Variants in PPARGC1B observed in about 807,000 individuals in gnomAD.
The protein encoded by PPARGC1B is PPARG coactivator 1 beta.
PPARGC1B carries 34 observed loss-of-function variants against 101.6 expected under a neutral mutation model. That is an observed-to-expected ratio of 0.33 (90% confidence interval 0.25 to 0.45). The LOEUF (loss-of-function observed/expected upper bound fraction) is 0.45. Ranked by LOEUF, PPARGC1B falls within the 20% of genes least tolerant of loss-of-function variation. PPARGC1B has a pLI of 1.00. For missense variants in PPARGC1B, 1,234 were observed against 1,317.6 expected, an observed-to-expected ratio of 0.94 and a Z score of 0.98; for synonymous variants, 548 against 539.3, an observed-to-expected ratio of 1.02 and a Z score of -0.22.
intron 1 of PPARGC1B, among the ~76,000 whole-genome samples, chr5:149,741,762 G>A (rs1466547947): frequency 2.0e-5 from 3 of 151,928 alleles, no homozygotes; most frequent in African/African-American, 7.3e-5. Context: ...CGAGTAGCTG[G>A]GATTACAGGC....
chr5:149,840,056 G>A lies in PPARGC1B; in HGVS notation c.2634G>A (p.Gly878=). The A allele has an allele frequency of 6.2e-7, 1 of 1,614,142 alleles. No individual in the cohort carries two copies. The highest frequency in any genetic ancestry group is 2.2e-5 in the East Asian group (1 of 44,878). The part of the protein sequence containing the change: ...TRRNFRCESR[G]PCSDRTPSIR... Reference sequence around the variant, plus strand: ...TCACTGACAGATGTGAGAGCAGAGGGCCGTGTTCAGACAGAACGCCAAGCA... The same window carrying A: ...TCACTGACAGATGTGAGAGCAGAGGACCGTGTTCAGACAGAACGCCAAGCA... Residue 878 remains glycine (G), a synonymous_variant, in exon 9 of 12, where the codon GGG becomes GGA. Coordinates refer to ENST00000309241, the MANE Select transcript of PPARGC1B (RefSeq NM_133263.4).
intron 1 of PPARGC1B, among the ~76,000 whole-genome samples, chr5:149,793,337 A>G (rs1413648063): frequency 6.6e-6 from 1 of 152,122 alleles, no homozygotes; most frequent in Non-Finnish European, 1.5e-5. Context: ...AGGTGATTCT[A>G]TCATCAAGTC....
intron 1 of PPARGC1B, among the ~76,000 whole-genome samples, chr5:149,819,635 T>C (rs1383686855): frequency 1.3e-5 from 2 of 152,234 alleles, no homozygotes; most frequent in Non-Finnish European, 2.9e-5. Context: ...CCCAAGTTAC[T>C]GAGATTACAG....
rs1037400056 is a variant in PPARGC1B, at chr5:149,833,393, A to G, written c.1320A>G (p.Glu440=). Residue 440 remains glutamate (E), a synonymous_variant, in exon 5 of 12, where the codon GAA becomes GAG. Coordinates refer to ENST00000309241, the MANE Select transcript of PPARGC1B (RefSeq NM_133263.4). The surrounding 1 kb of genome is among the most constrained non-coding windows in gnomAD (Gnocchi z 4.1). ...EEEDEEEEEE[E]EEEEKEEEEE... ...AAGACGAGGAAGAAGAGGAGGAGGAAGAGGAAGAAGAAAAAGAGGAGGAGG... is the reference window on the plus strand; with the variant it reads ...AAGACGAGGAAGAAGAGGAGGAGGAGGAGGAAGAAGAAAAAGAGGAGGAGG... 1 of 1,610,958 alleles carries G rather than the reference A, an allele frequency of 6.2e-7. No homozygotes were observed. Among genetic ancestry groups the G allele is most frequent in the Non-Finnish European group, 8.5e-7 (1 of 1,178,594 alleles).
rs1054325957 is a variant in PPARGC1B at position 149,791,266 on chromosome 5, T to G, written c.79-29167T>G. ...GAGATCCCACTACTACATTCCAGCCTGGGTGACAGAGAGAGACTCCATCTC... is the reference window on the plus strand; with the variant it reads ...GAGATCCCACTACTACATTCCAGCCGGGGTGACAGAGAGAGACTCCATCTC... On this transcript the variant is annotated intron_variant, in intron 1 of 11. Transcript: ENST00000309241. 3.4e-5 allele frequency among the ~76,000 whole-genome samples: 5 copies of G among 148,812 alleles called. No individual in the cohort carries two copies. The East Asian group carries it at 5.9e-4, about 18-fold the overall frequency.
At chr5:149,815,929 T>C (rs1758036109) in intron 1 of PPARGC1B, among the ~76,000 whole-genome samples, 1 of 152,108 alleles carries the variant, frequency 6.6e-6, no homozygotes, top group Non-Finnish European at 1.5e-5. Context: ...GATGAGAGCA[T>C]GTATAGAAGG....
Position 149,811,062 on chromosome 5 carries a change from C to T in PPARGC1B, c.79-9371C>T, listed in dbSNP as rs1186028244. 4.6e-5 allele frequency among the ~76,000 whole-genome samples: 7 copies of T among 152,260 alleles called. No homozygotes were observed. The South Asian group carries it at 1.2e-3, about 27-fold the overall frequency. ...TCCTAGGAAAAAGTCAGATAAAGCG[C>T]AAAATTGTGAAACACATGCCTACGT... On this transcript the variant is annotated intron_variant, in intron 1 of 11. Transcript: ENST00000309241.
At chr5:149,791,415 C>T (rs1391374511) in intron 1 of PPARGC1B, among the ~76,000 whole-genome samples, 1 of 151,990 alleles carries the variant, frequency 6.6e-6, no homozygotes, top group African/African-American at 2.4e-5. Context: ...ACTGAGTGCT[C>T]ATTGGATGAA....
chr5:149,834,629 T>G (rs41287084), intron 5 of PPARGC1B, 45 bp from the exon 6 acceptor site: 4 of 1,585,066 alleles, frequency 2.5e-6, no homozygotes, highest in Non-Finnish European at 3.5e-6. Flanking sequence ...CATCTGCTAG[T>G]GATACCATAT....
intron 1 of PPARGC1B, among the ~76,000 whole-genome samples, chr5:149,802,042 G>A (rs1757446303): frequency 6.6e-6 from 1 of 152,154 alleles, no homozygotes; most frequent in African/African-American, 2.4e-5. Context: ...ACACAGCTCA[G>A]CACCGCCCCG....
At position 149,836,440 on chromosome 5, in the gene PPARGC1B, G is replaced by T; in HGVS notation, c.1985G>T (p.Ser662Ile). The change falls in exon 8 of 12, where the codon AGT becomes ATT. Residue 662 changes from serine to isoleucine, a missense_variant. Transcript: ENST00000309241. ...HKLPKKHPERSELLSHLRHAT... is the reference protein window; with the variant it reads ...HKLPKKHPERIELLSHLRHAT... ...CTGCCAAAGAAGCACCCAGAGCGAA[G>T]TGAGCTCCTGTCCCACCTGCGACAT... 1 of 1,614,152 alleles carries T rather than the reference G, an allele frequency of 6.2e-7. No homozygotes were observed. The highest frequency in any genetic ancestry group is 8.5e-7 in the Non-Finnish European group (1 of 1,180,042).
intron 9 of PPARGC1B, 96 bp downstream of exon 9, chr5:149,840,212 G>A: frequency 8.7e-7 from 1 of 1,150,900 alleles, no homozygotes; most frequent in Non-Finnish European, 1.2e-6. Context: ...GCTGGCTGGT[G>A]AGCCCCTCAG....
intron 1 of PPARGC1B, among the ~76,000 whole-genome samples, chr5:149,795,610 T>A (rs1757180845): frequency 6.6e-6 from 1 of 152,106 alleles, no homozygotes; most frequent in Admixed American, 6.6e-5. Context: ...CAGGTGTGGA[T>A]GCCATGTCTC....
At chr5:149,785,086 T>C (rs1196005117) in intron 1 of PPARGC1B, among the ~76,000 whole-genome samples, 1 of 152,190 alleles carries the variant, frequency 6.6e-6, no homozygotes, top group African/African-American at 2.4e-5. Flanking sequence ...GGGTTCTCTA[T>C]ACTAACAGAG....
chr5:149,783,856 C>T (rs1756686543), intron 1 of PPARGC1B, among the ~76,000 whole-genome samples: 2 of 152,092 alleles, frequency 1.3e-5, no homozygotes, highest in South Asian at 4.1e-4. Context: ...TGGCAATAAC[C>T]ATCTTTATAC....
intron 1 of PPARGC1B, among the ~76,000 whole-genome samples, chr5:149,780,931 C>T (rs185209930): frequency 6.6e-6 from 1 of 152,144 alleles, no homozygotes; most frequent in Admixed American, 6.5e-5. Flanking sequence ...CGGCAGGGCG[C>T]GGTGGCTCAT....
intron 1 of PPARGC1B, among the ~76,000 whole-genome samples, chr5:149,752,441 C>T (rs1755347147): frequency 6.6e-6 from 1 of 152,230 alleles, no homozygotes; most frequent in South Asian, 2.1e-4. Flanking sequence ...CATTTTCCTA[C>T]TAGTTTCAGC....
chr5:149,813,312 C>T (rs900855150), intron 1 of PPARGC1B, among the ~76,000 whole-genome samples: 3 of 152,162 alleles, frequency 2.0e-5, no homozygotes, highest in African/African-American at 4.8e-5. Flanking sequence ...AGCTGGCAGT[C>T]GGGCAGGACT....
At chr5:149,834,607 C>G (rs1483861456) in intron 5 of PPARGC1B, 67 bp from the exon 6 acceptor site, 5 of 1,502,998 alleles carry the variant, frequency 3.3e-6, no homozygotes, top group Non-Finnish European at 4.6e-6. Context: ...AGGGTCTCCT[C>G]CAGAGGGGAA....
Sources: allele counts gnomAD v4.1 joint callset (sites outside exome capture counted in the v4.1 genomes callset), GRCh38; gene constraint gnomAD v4.1.1; non-coding constraint Gnocchi (gnomAD v3.1); transcripts MANE v1.5; gene names NCBI Gene and HGNC (gene_info 2026-07-23, HGNC 2026-07-21).